Variants in PKD1L3 observed in about 807,000 individuals in gnomAD.
PKD1L3 encodes the protein polycystin 1 like 3, transient receptor potential channel interacting.
A neutral mutation model predicts 184.1 loss-of-function variants in PKD1L3; 239 were observed. The ratio of observed to expected loss-of-function variants is 1.30; its 90% CI spans 1.17 to 1.45. The LOEUF is 1.45. PKD1L3 is among the 40% of genes most tolerant of loss of function. The pLI is 0.00. For synonymous variants in PKD1L3, 996 were observed against 778.8 expected, an observed-to-expected ratio of 1.28 and a Z score of -4.64; for missense variants, 2,660 against 2,067.2, an observed-to-expected ratio of 1.29 and a Z score of -5.56.
At position 71,999,909 on chromosome 16, in the gene PKD1L3, T is replaced by G; in HGVS notation, c.70A>C (p.Asn24His). The G allele has an allele frequency of 6.4e-7, 1 of 1,551,634 alleles. No homozygotes were observed. The highest frequency in any genetic ancestry group is 1.4e-5 in the African/African-American group (1 of 73,176). Reference protein sequence around the residue: ...RTSIILGSELNSPAPHGQNNC... With the variant: ...RTSIILGSELHSPAPHGQNNC... Reference sequence around the variant, plus strand: ...TTTTGCCCATGTGGTGCTGGGCTGTTTAGCTCACTTCCTAGAATAATACTT... The same window carrying G: ...TTTTGCCCATGTGGTGCTGGGCTGTGTAGCTCACTTCCTAGAATAATACTT... The change falls in exon 1 of 30, where the codon AAC becomes CAC. Residue 24 changes from asparagine to histidine, a missense_variant. By Grantham distance (68) the Asn-to-His change is moderately conservative (BLOSUM62 1). Coordinates refer to ENST00000620267, the MANE Select transcript of PKD1L3 (RefSeq NM_181536.2).
chr16:71,944,309 ACTCT>A (rs1352172540), intron 22 of PKD1L3, 139 bp from the exon 23 acceptor site: 31 of 833,384 alleles, frequency 3.7e-5, no homozygotes, highest in Admixed American at 2.5e-4. Context: ...TGCTTCTTAA[ACTCT>A]CTATTATAAA....
At position 71,943,555 on chromosome 16, in the gene PKD1L3, A is replaced by AAAAC. The variant is rs1555514260; in HGVS notation, c.3859+471_3859+474dup. Among the ~76,000 whole-genome samples the AAAAC allele has an allele frequency of 9.5e-4, 144 of 151,772 alleles. 4 individuals carry two copies. In the South Asian group the frequency reaches 0.029, roughly 31 times the overall value. Reference sequence around the variant, plus strand: ...TCCGTCTCAAAAAAAAAAAAAAAAAAAAACATAAAATCCCGCACAAGAAAT... The same window carrying AAAAC: ...TCCGTCTCAAAAAAAAAAAAAAAAAAAAACAAACATAAAATCCCGCACAAGAAAT... On this transcript the variant is annotated intron_variant, in intron 23 of 29. Transcript: ENST00000620267.
intron 1 of PKD1L3, among the ~76,000 whole-genome samples, chr16:71,999,341 T>C (rs936227101): frequency 6.6e-6 from 1 of 152,112 alleles, no homozygotes; most frequent in Non-Finnish European, 1.5e-5. Context: ...CCTCTTAGTT[T>C]TGTGTTAGGA....
chr16:71,943,582 T>C (rs768056968), intron 23 of PKD1L3, among the ~76,000 whole-genome samples: 17 of 143,100 alleles, frequency 1.2e-4, no homozygotes, highest in East Asian at 1.0e-3. Flanking sequence ...ACAAGAAATA[T>C]GGTGTTTAGC....
chr16:71,949,754 T>TTCC, intron 21 of PKD1L3, 29 bp downstream of exon 21: 1 of 1,535,350 alleles, frequency 6.5e-7, no homozygotes, highest in African/African-American at 1.4e-5. Context: ...CTTCTGCAAC[T>TTCC]CCAATGGTTC....
chr16:71,965,250 C>T (rs995843369), intron 15 of PKD1L3, among the ~76,000 whole-genome samples: 2 of 152,208 alleles, frequency 1.3e-5, no homozygotes, highest in African/African-American at 2.4e-5. Flanking sequence ...AGTAGTATTA[C>T]ATTGAATCAA....
intron 15 of PKD1L3, among the ~76,000 whole-genome samples, chr16:71,964,085 C>CCCT (rs1279301352): frequency 6.6e-6 from 1 of 151,094 alleles, no homozygotes; most frequent in African/African-American, 2.4e-5. Flanking sequence ...CTTCACAGAG[C>CCCT]CATAGGCCCT....
intron 25 of PKD1L3, among the ~76,000 whole-genome samples, chr16:71,936,388 A>G (rs1483704213): frequency 6.6e-6 from 1 of 151,492 alleles, no homozygotes; most frequent in Non-Finnish European, 1.5e-5. Flanking sequence ...TTTTTAGTAG[A>G]GACAGGGTTT....
Position 71,967,250 on chromosome 16 carries a change from C to T in PKD1L3, c.2352G>A (p.Lys784=), listed in dbSNP as rs1482216255. The change falls in exon 15 of 30, where the codon AAG becomes AAA. Residue 784 remains lysine, a synonymous_variant. Coordinates refer to ENST00000620267, the MANE Select transcript of PKD1L3 (RefSeq NM_181536.2). The stretch of plus-strand genomic sequence containing the variant: ...CCAGGCCCCCTCGTTCAAAGACTGT[C>T]TTCTGGGGGTCACAGAGGTGATGGG... ...SEPHHLCDPQ[K]TVFERGGLDV... is the part of the protein sequence containing the mutation. The T allele has an allele frequency of 1.3e-6, 2 of 1,551,558 alleles. No homozygotes were observed. The highest frequency in any genetic ancestry group is 2.7e-5 in the African/African-American group (2 of 73,054).
chr16:71,940,102 A>G (rs2038308842), intron 24 of PKD1L3, among the ~76,000 whole-genome samples: 3 of 143,550 alleles, frequency 2.1e-5, no homozygotes, highest in Admixed American at 1.5e-4. Flanking sequence ...AACTGAAAAT[A>G]GCATCAACTG....
At chr16:71,937,550 G>T in intron 24 of PKD1L3, 131 bp from the exon 25 acceptor site, 2 of 998,984 alleles carry the variant, frequency 2.0e-6, no homozygotes, top group Non-Finnish European at 2.9e-6. Context: ...GCTCCACTTA[G>T]TATTTCCTTT....
At chr16:71,990,168 T>G in intron 4 of PKD1L3, 112 bp downstream of exon 4, 1 of 869,066 alleles carries the variant, frequency 1.2e-6, no homozygotes, top group South Asian at 2.6e-5. Context: ...TTATTTTCCT[T>G]ATTAGAAAAC....
At chr16:71,962,100 C>G (rs2039302709) in intron 16 of PKD1L3, among the ~76,000 whole-genome samples, 1 of 151,814 alleles carries the variant, frequency 6.6e-6, no homozygotes, top group Non-Finnish European at 1.5e-5. Flanking sequence ...AATTTTTGTA[C>G]TTTGGTAGAG....
chr16:71,977,364 G>T lies in PKD1L3; in HGVS notation c.1631C>A (p.Ser544Tyr). Residue 544 changes from serine (S) to tyrosine (Y), a missense_variant, in exon 11 of 30, where the codon TCC becomes TAC. Physicochemically the swap from Ser to Tyr is moderately radical, Grantham distance 144. Coordinates refer to ENST00000620267, the MANE Select transcript of PKD1L3 (RefSeq NM_181536.2). ...ITVNVTSLEK[S>Y]LIVSIDPDSP... ...GTCAGGATCTATGCTCACTATCAAG[G>T]ATTTCTCCAAGGAAGTGACGTTCAC... The T allele has an allele frequency of 6.5e-7, 1 of 1,550,188 alleles. No homozygotes were observed. Among genetic ancestry groups the T allele is most frequent in the Non-Finnish European group, 8.7e-7 (1 of 1,145,640 alleles).
intron 15 of PKD1L3, among the ~76,000 whole-genome samples, chr16:71,964,909 C>A (rs1026141149): frequency 1.4e-5 from 2 of 145,226 alleles, no homozygotes; most frequent in East Asian, 4.2e-4. Flanking sequence ...TGCAGCGGTG[C>A]GATCTTGGCT....
At chr16:71,973,295 G>C in intron 12 of PKD1L3, 29 bp downstream of exon 12, 2 of 1,546,864 alleles carry the variant, frequency 1.3e-6, no homozygotes, top group Non-Finnish European at 1.7e-6. Context: ...TGGCAGAAGA[G>C]AGGCCCAAGA....
chr16:71,978,504 TA>T, intron 9 of PKD1L3, 121 bp from the exon 10 acceptor site: 3 of 136,892 alleles, frequency 2.2e-5, no homozygotes, highest in Non-Finnish European at 4.0e-5. Context: ...TGTATATATA[TA>T]TATATATATA....
At chr16:71,963,163 G>A (rs1315872043) in intron 16 of PKD1L3, 42 bp downstream of exon 16, 1 of 1,479,526 alleles carries the variant, frequency 6.8e-7, no homozygotes, top group East Asian at 2.5e-5. Context: ...AATTAATAGT[G>A]AACATCAATA....
intron 2 of PKD1L3, 137 bp from the exon 3 acceptor site, chr16:71,993,469 C>T: frequency 1.7e-6 from 1 of 601,082 alleles, no homozygotes; most frequent in Non-Finnish European, 2.8e-6. Context: ...TTTAAGGACA[C>T]TAAGAATTCT....
Sources: allele counts gnomAD v4.1 joint callset (sites outside exome capture counted in the v4.1 genomes callset), GRCh38; gene constraint gnomAD v4.1.1; transcripts MANE v1.5; gene names NCBI Gene and HGNC (gene_info 2026-07-23, HGNC 2026-07-21).